ABCB1: variants seen among roughly 807,000 people sequenced by gnomAD.
The protein encoded by ABCB1 is ATP binding cassette subfamily B member 1.
A neutral mutation model predicts 142.0 loss-of-function variants in ABCB1; 69 were observed. That is an observed-to-expected ratio of 0.49 (90% CI 0.40 to 0.59). ABCB1 has a LOEUF of 0.59. ABCB1 is among the 20% of genes least tolerant of loss of function. ABCB1 has a pLI of 0.00. For missense variants in ABCB1, 1,326 were observed against 1,554.7 expected (o/e 0.85, Z 2.47); for synonymous variants, 532 against 539.2 (o/e 0.99, Z 0.18).
chr7:87,701,567 A>G (rs892567977), intron 1 of ABCB1, among the ~76,000 whole-genome samples: 5 of 152,250 alleles, frequency 3.3e-5, no homozygotes, highest in African/African-American at 1.2e-4. Flanking sequence ...AGATCAATTC[A>G]AAGTGCAAGG....
intron 1 of ABCB1, among the ~76,000 whole-genome samples, chr7:87,626,759 A>G (rs556093107): frequency 0.02 from 954 of 47,410 alleles, 140 homozygotes; most frequent in Middle Eastern, 0.052. Context: ...TGTCATATAT[A>G]TGTCATATAT....
intron 1 of ABCB1, among the ~76,000 whole-genome samples, chr7:87,637,664 A>AT (rs1272439172): frequency 6.6e-6 from 1 of 151,978 alleles, no homozygotes; most frequent in African/African-American, 2.4e-5. Flanking sequence ...TATTTGATAT[A>AT]TTTTTATATT....
chr7:87,655,510 T>C (rs1196038650), intron 1 of ABCB1, among the ~76,000 whole-genome samples: 1 of 152,118 alleles, frequency 6.6e-6, no homozygotes, highest in Admixed American at 6.6e-5. Context: ...ACATGGCATC[T>C]AAAAAAGTTG....
At chr7:87,585,806 C>A in intron 3 of ABCB1, 126 bp from the exon 4 acceptor site, 1 of 890,094 alleles carries the variant, frequency 1.1e-6, no homozygotes, top group Non-Finnish European at 1.7e-6. Context: ...CAACCTAGTC[C>A]AAGACACCCT....
upstream of ABCB1, among the ~76,000 whole-genome samples, chr7:87,602,470 A>C (rs1819499199): frequency 2.0e-5 from 3 of 152,128 alleles, no homozygotes; most frequent in Middle Eastern, 3.4e-3. Flanking sequence ...TCTTCATTAC[A>C]TGCGTTTTTA....
intron 1 of ABCB1, among the ~76,000 whole-genome samples, chr7:87,633,764 A>T (rs941674259): frequency 6.6e-6 from 1 of 152,186 alleles, no homozygotes; most frequent in Non-Finnish European, 1.5e-5. Flanking sequence ...ACTAATCAGA[A>T]AAACTGTCTA....
intron 3 of ABCB1, among the ~76,000 whole-genome samples, chr7:87,591,417 G>T (rs1174706607): frequency 6.6e-6 from 1 of 152,166 alleles, no homozygotes; most frequent in East Asian, 1.9e-4. Context: ...TGATAAAGAG[G>T]CAGGGCAGAG....
intron 1 of ABCB1, among the ~76,000 whole-genome samples, chr7:87,623,058 A>T (rs190258387): frequency 3.9e-5 from 6 of 152,230 alleles, no homozygotes; most frequent in South Asian, 2.1e-4. Context: ...TAATAAATTT[A>T]AAAAAATAAT....
At chr7:87,686,988 A>G (rs577866726) in intron 1 of ABCB1, among the ~76,000 whole-genome samples, 3 of 151,910 alleles carry the variant, frequency 2.0e-5, no homozygotes, top group Admixed American at 1.3e-4. Flanking sequence ...AAAGCTGAGT[A>G]TACCAGACAA....
intron 1 of ABCB1, among the ~76,000 whole-genome samples, chr7:87,637,969 G>A (rs1160195737): frequency 6.6e-6 from 1 of 151,938 alleles, no homozygotes; most frequent in Non-Finnish European, 1.5e-5. Flanking sequence ...TTATTAAATA[G>A]GATGTTTGCA....
intron 1 of ABCB1, among the ~76,000 whole-genome samples, chr7:87,687,806 C>T (rs1827615681): frequency 6.6e-6 from 1 of 152,138 alleles, no homozygotes; most frequent in Admixed American, 6.5e-5. Flanking sequence ...AACCTCAAAG[C>T]TCTTCCTGAC....
chr7:87,696,062 G>A (rs1192888585), intron 1 of ABCB1, among the ~76,000 whole-genome samples: 1 of 152,130 alleles, frequency 6.6e-6, no homozygotes, highest in Non-Finnish European at 1.5e-5. Flanking sequence ...GGATTGATGG[G>A]ATGGGAATAT....
At chr7:87,669,194 GT>G (rs1009565393) in intron 1 of ABCB1, among the ~76,000 whole-genome samples, 2 of 151,902 alleles carry the variant, frequency 1.3e-5, no homozygotes, top group Admixed American at 6.6e-5. Flanking sequence ...GGGTATTTAG[GT>G]TTTTTTGTTG....
chr7:87,569,875 G>A (rs1284619332), intron 5 of ABCB1, among the ~76,000 whole-genome samples: 1 of 152,010 alleles, frequency 6.6e-6, no homozygotes, highest in Non-Finnish European at 1.5e-5. Flanking sequence ...AGAAAATAAT[G>A]ATTCTTAATT....
In ABCB1 at chr7:87,589,221, G is replaced by T. The variant is rs558913297; in HGVS notation, c.118-3541C>A. On this transcript the variant is annotated intron_variant, in intron 3 of 27. Coordinates refer to ENST00000622132, the MANE Select transcript of ABCB1 (RefSeq NM_001348946.2). ...AAAATCTTAATAACCTTGAGTCTCA[G>T]TTTCTGAATTTACAAAATGAGGAAA... Among the ~76,000 whole-genome samples, 22 of 152,230 alleles carry T rather than the reference G, an allele frequency of 1.4e-4. 2 individuals carry two copies. Among genetic ancestry groups the T allele is most frequent in the African/African-American group, 5.1e-4 (21 of 41,550 alleles).
intron 26 of ABCB1, 65 bp downstream of exon 26, chr7:87,509,210 A>C: frequency 6.4e-7 from 1 of 1,552,936 alleles, no homozygotes; most frequent in Admixed American, 1.7e-5. Context: ...GCCCCTTATA[A>C]ATCAAACTAT....
chr7:87,601,761 A>G (rs550170563), upstream of ABCB1, among the ~76,000 whole-genome samples: 42 of 152,376 alleles, frequency 2.8e-4, no homozygotes, highest in African/African-American at 8.9e-4. Context: ...GGTTTGTTGT[A>G]TCCTCTAGTC....
chr7:87,512,190 AT>A (rs5885587), intron 25 of ABCB1, among the ~76,000 whole-genome samples: 60,168 of 149,386 alleles, frequency 0.4, 12,116 homozygotes, highest in Middle Eastern at 0.45. Context: ...TAAAAAAAAA[AT>A]TTTTTTTTTT....
chr7:87,576,972 G>A (rs527586412), intron 4 of ABCB1, among the ~76,000 whole-genome samples: 203 of 151,972 alleles, frequency 1.3e-3, no homozygotes, highest in African/African-American at 4.3e-3. Context: ...GTTGACTGTA[G>A]TCACCCTGTT....
Sources: gnomAD v4.1 joint callset for allele counts (sites outside exome capture counted in the v4.1 genomes callset) on GRCh38, gnomAD v4.1.1 for gene constraint, MANE v1.5 for transcripts, NCBI Gene and HGNC (gene_info 2026-07-23, HGNC 2026-07-21) for gene names.